The following DRC8 variants were observed in gnomAD, a reference collection of about 807,000 sequenced individuals.
The protein encoded by DRC8 is dynein regulatory complex subunit 8.
the DRC8 span, among the ~76,000 whole-genome samples, chr1:244,992,745 A>C: frequency 6.6e-6 from 1 of 152,196 alleles, no homozygotes; most frequent in Non-Finnish European, 1.5e-5. Flanking sequence ...GTCTCAAAAA[A>C]AGCCCCCAAA....
At chr1:245,112,343 G>A in the DRC8 span, among the ~76,000 whole-genome samples, 11 of 152,148 alleles carry the variant, frequency 7.2e-5, no homozygotes, top group African/African-American at 2.7e-4. Flanking sequence ...CAAAGTGCTG[G>A]GATTACAGGT....
chr1:245,048,282 AG>A, the DRC8 span, among the ~76,000 whole-genome samples: 1 of 152,198 alleles, frequency 6.6e-6, no homozygotes, highest in Non-Finnish European at 1.5e-5. Flanking sequence ...AGGTCTATCC[AG>A]GGTCTCCAAG....
At chr1:245,066,700 G>A in the DRC8 span, among the ~76,000 whole-genome samples, 1 of 152,160 alleles carries the variant, frequency 6.6e-6, no homozygotes, top group Non-Finnish European at 1.5e-5. Flanking sequence ...AAGGTCAGGA[G>A]ACTGAGACCA....
chr1:245,102,223 CCA>C, the DRC8 span, among the ~76,000 whole-genome samples: 13 of 152,164 alleles, frequency 8.5e-5, no homozygotes, highest in Admixed American at 8.5e-4. Context: ...GAGCCTGAGG[CCA>C]AACTGTGGTC....
the DRC8 span, among the ~76,000 whole-genome samples, chr1:245,010,681 C>CTTTTTTTT: frequency 1.6e-5 from 2 of 127,232 alleles, no homozygotes; most frequent in African/African-American, 3.0e-5. Context: ...CTTTTTCTTT[C>CTTTTTTTT]TTTTTTTTTT....
chr1:245,121,895 C>CTTATTTTATTTTATTTTATT, the DRC8 span: 4 of 415,812 alleles, frequency 9.6e-6, no homozygotes, highest in African/African-American at 8.6e-5. Flanking sequence ...TTTCTTTTTT[C>CTTATTTTATTTTATTTTATT]TTATTTTATT....
At chr1:244,992,083 G>A in the DRC8 span, among the ~76,000 whole-genome samples, 3 of 152,158 alleles carry the variant, frequency 2.0e-5, no homozygotes, top group Admixed American at 2.0e-4. Context: ...TTTTATAGAC[G>A]TATCTGTGAT....
chr1:245,105,622 C>CAAAA, the DRC8 span, among the ~76,000 whole-genome samples: 1 of 114,368 alleles, frequency 8.7e-6, no homozygotes, highest in African/African-American at 3.7e-5. Context: ...GACCCCATCT[C>CAAAA]AAAAAAAAAA....
At chr1:245,088,771 G>C in the DRC8 span, among the ~76,000 whole-genome samples, 5 of 152,150 alleles carry the variant, frequency 3.3e-5, no homozygotes, top group African/African-American at 1.2e-4. This position sits in a 1 kb window ranked among gnomAD's most constrained non-coding sequence, Gnocchi z 4.6. Flanking sequence ...TTAGTAAGTG[G>C]GTGGCGGGGC....
At chr1:245,079,014 G>T in the DRC8 span, among the ~76,000 whole-genome samples, 2 of 152,094 alleles carry the variant, frequency 1.3e-5, no homozygotes, top group Non-Finnish European at 2.9e-5. Flanking sequence ...TGGGAACTCT[G>T]TATTATATTT....
the DRC8 span, among the ~76,000 whole-genome samples, chr1:245,018,207 A>G: frequency 1.1e-4 from 16 of 146,404 alleles, no homozygotes; most frequent in East Asian, 3.2e-3. Flanking sequence ...AGCCTGGGCG[A>G]CAGAGCGAGA....
At chr1:244,994,286 C>A in the DRC8 span, among the ~76,000 whole-genome samples, 1 of 152,106 alleles carries the variant, frequency 6.6e-6, no homozygotes, top group East Asian at 1.9e-4. Flanking sequence ...GGTGTTTCTG[C>A]AAATAGCTTC....
chr1:245,034,050 C>T, the DRC8 span, among the ~76,000 whole-genome samples: 3 of 152,034 alleles, frequency 2.0e-5, no homozygotes, highest in Admixed American at 1.3e-4. Flanking sequence ...ACCTCTGACT[C>T]TTTTTTCTCA....
chr1:245,041,495 C>T, the DRC8 span, among the ~76,000 whole-genome samples: 1 of 152,002 alleles, frequency 6.6e-6, no homozygotes, highest in Non-Finnish European at 1.5e-5. Context: ...TGGTCTATTG[C>T]AGTGGTGCAG....
chr1:245,036,324 G>A, the DRC8 span, among the ~76,000 whole-genome samples: 1 of 152,168 alleles, frequency 6.6e-6, no homozygotes, highest in African/African-American at 2.4e-5. Flanking sequence ...CAAAACCATA[G>A]TGAAATACTA....
the DRC8 span, among the ~76,000 whole-genome samples, chr1:244,987,443 G>C: frequency 6.6e-6 from 1 of 151,944 alleles, no homozygotes. Context: ...GACCTCAAGT[G>C]ATCCGCCCAC....
the DRC8 span, among the ~76,000 whole-genome samples, chr1:245,007,551 GAGAC>G: frequency 2.0e-5 from 3 of 152,184 alleles, no homozygotes; most frequent in Non-Finnish European, 4.4e-5. Flanking sequence ...AATTGACTTA[GAGAC>G]AGACAGACAT....
the DRC8 span, among the ~76,000 whole-genome samples, chr1:244,995,269 G>C: frequency 6.6e-6 from 1 of 151,990 alleles, no homozygotes; most frequent in Non-Finnish European, 1.5e-5. Context: ...GCTAAGTCAG[G>C]AGAATCGCTT....
the DRC8 span, among the ~76,000 whole-genome samples, chr1:245,006,181 AT>A: frequency 6.6e-6 from 1 of 152,204 alleles, no homozygotes; most frequent in Non-Finnish European, 1.5e-5. Context: ...CTAAATTTGC[AT>A]TTTAGATCAT....
Sources: allele counts gnomAD v4.1 joint callset (sites outside exome capture counted in the v4.1 genomes callset), GRCh38; gene constraint gnomAD v4.1.1; non-coding constraint Gnocchi (gnomAD v3.1); transcripts MANE v1.5; gene names NCBI Gene and HGNC (gene_info 2026-07-23, HGNC 2026-07-21).